ARAP2: variants seen among roughly 807,000 people sequenced by gnomAD.
ARAP2 encodes arf-GAP with Rho-GAP domain, ANK repeat and PH domain-containing protein 2.
In ARAP2, 148 loss-of-function variants were observed where a neutral mutation model predicts 194.5. The ratio of observed to expected loss-of-function variants is 0.76; its 90% CI spans 0.67 to 0.87. The LOEUF is 0.87. Ranked by LOEUF, ARAP2 falls within the 40% of genes least tolerant of loss-of-function variation. The probability of loss-of-function intolerance (pLI) is 0.00; values close to 1 mark genes in which losing one functional copy is unlikely to be tolerated. For synonymous variants in ARAP2, 695 were observed against 683.5 expected, an observed-to-expected ratio of 1.02 and a Z score of -0.26; for missense variants, 2,128 against 1,989.7, an observed-to-expected ratio of 1.07 and a Z score of -1.32.
At chr4:36,106,990 G>A (rs533704065) in intron 27 of ARAP2, among the ~76,000 whole-genome samples, 1 of 151,940 alleles carries the variant, frequency 6.6e-6, no homozygotes, top group African/African-American at 2.4e-5. Flanking sequence ...AAAATTTTCT[G>A]AGATCTCATA....
rs372153354 is a variant in ARAP2 at position 36,147,442 on chromosome 4, T to C, written c.3200-83A>G. 3 of 1,564,294 alleles carry C rather than the reference T, an allele frequency of 1.9e-6. No individual in the cohort carries two copies. The African/African-American group carries it at 4.1e-5, about 21-fold the overall frequency. On this transcript the variant is annotated intron_variant, in intron 18 of 32. Coordinates refer to ENST00000303965, the MANE Select transcript of ARAP2 (RefSeq NM_015230.4). ...TGAAGACACAAATATTAATACTGCT[T>C]AGTCATAAGTTTGGGAGTAAGCCAT...
chr4:36,005,634 T>C (rs1253974868), intron 10 of ARAP2: 2 of 152,176 alleles, frequency 1.3e-5, no homozygotes, highest in Non-Finnish European at 2.9e-5. Context: ...TATACAATTC[T>C]ATACATTTGC....
intron 5 of ARAP2, among the ~76,000 whole-genome samples, chr4:36,029,638 G>A (rs889013687): frequency 6.6e-6 from 1 of 151,872 alleles, no homozygotes; most frequent in Non-Finnish European, 1.5e-5. Flanking sequence ...GTTCTTAACT[G>A]GGTATAATAT....
intron 24 of ARAP2, 131 bp downstream of exon 24, chr4:36,119,518 GT>G (rs60869581): frequency 0.017 from 8,238 of 491,134 alleles, 515 homozygotes; most frequent in African/African-American, 0.14. Context: ...CAACCAATTA[GT>G]TTTTTTTTTC....
In ARAP2 at chr4:36,121,325, C is replaced by T. The variant is rs1302154442; in HGVS notation, c.3748G>A (p.Val1250Ile). The change falls in exon 23 of 33, where the codon GTT becomes ATT. Residue 1250 changes from valine (V) to isoleucine (I), a missense_variant and splice_region_variant. Coordinates refer to ENST00000303965, the MANE Select transcript of ARAP2 (RefSeq NM_015230.4). ...TGATTGATTTCTGAGCATTTCTGAA[C>T]CCTGTCAGAGAAAAGCATAGTTTAT... ...LAAIIEHLYR[V>I]QKCSEINHMN... 2 of 1,584,102 alleles carry T rather than the reference C, an allele frequency of 1.3e-6. No homozygotes were observed. Among genetic ancestry groups the T allele is most frequent in the African/African-American group, 2.7e-5 (2 of 73,520 alleles).
intron 19 of ARAP2, among the ~76,000 whole-genome samples, chr4:36,137,939 A>C (rs1727236190): frequency 6.6e-6 from 1 of 151,788 alleles, no homozygotes; most frequent in Non-Finnish European, 1.5e-5. Flanking sequence ...ACACTATTAG[A>C]ATGGACGTGA....
intron 30 of ARAP2, 96 bp from the exon 31 acceptor site, chr4:36,080,375 G>T (rs1047493165): frequency 6.2e-6 from 6 of 973,756 alleles, no homozygotes; most frequent in Non-Finnish European, 9.6e-6. Flanking sequence ...AAATCTCTGG[G>T]TCTCTCCTGA....
In ARAP2 at chr4:36,134,582, G is replaced by A. The variant is rs73809112; in HGVS notation, c.3264-1193C>T. Among the ~76,000 whole-genome samples the A allele has an allele frequency of 5.5e-3, 827 of 151,634 alleles. 11 individuals are homozygous for A. The highest frequency in any genetic ancestry group is 0.019 in the African/African-American group (770 of 41,426). The stretch of plus-strand genomic sequence containing the variant: ...CACTATTGCCAGAATGATCTAAAAC[G>A]CAAAGCTAATGACATCACTTCCAGA... On this transcript the variant is annotated intron_variant, in intron 19 of 32. Coordinates refer to ENST00000303965, the MANE Select transcript of ARAP2 (RefSeq NM_015230.4).
At chr4:36,183,700 GT>G (rs1275116297) in intron 8 of ARAP2, among the ~76,000 whole-genome samples, 26 of 152,316 alleles carry the variant, frequency 1.7e-4, no homozygotes, top group Admixed American at 1.6e-3. Flanking sequence ...ACTTTGGGAA[GT>G]GTATTTTTTA....
At chr4:36,214,530 TTA>T (rs1182833963) in intron 2 of ARAP2, 50 bp from the exon 3 acceptor site, 1 of 1,232,352 alleles carries the variant, frequency 8.1e-7, no homozygotes, top group Non-Finnish European at 1.1e-6. Context: ...TTTATGATAT[TTA>T]TGAGTAAAAT....
At chr4:36,128,014 A>G (rs1280172596) in intron 21 of ARAP2, among the ~76,000 whole-genome samples, 6 of 151,970 alleles carry the variant, frequency 3.9e-5, no homozygotes, top group Admixed American at 1.3e-4. Context: ...GTCATCTCTT[A>G]ATTAGCTTTT....
intron 5 of ARAP2, among the ~76,000 whole-genome samples, chr4:36,211,549 G>A (rs983839251): frequency 6.6e-6 from 1 of 152,010 alleles, no homozygotes; most frequent in Admixed American, 6.6e-5. Context: ...GAATAATTTA[G>A]CCTGGCCCTT....
intron 32 of ARAP2, among the ~76,000 whole-genome samples, chr4:36,072,103 A>AT (rs984344530): frequency 1.3e-5 from 2 of 151,748 alleles, no homozygotes; most frequent in African/African-American, 2.4e-5. Context: ...GTTTATATGA[A>AT]TTTTTTTAAA....
At position 36,014,863 on chromosome 4, in the gene ARAP2, C is replaced by T. The variant is rs950034998; in HGVS notation, n.1056+523G>A. ...AGAAGAGGAAGAGAGACTCATCTCT[C>T]TCCCTGTGTGAAAGATTTCTTTGAA... On this transcript the variant is annotated intron_variant and non_coding_transcript_variant, in intron 8 of 12. Coordinates refer to the ARAP2 transcript ENST00000503225. Among the ~76,000 whole-genome samples the T allele has an allele frequency of 4.6e-5, 7 of 152,100 alleles. No individual in the cohort carries two copies. In the East Asian group the frequency reaches 9.6e-4, roughly 21 times the overall value.
At chr4:36,024,945 T>C (rs1717644668) in intron 5 of ARAP2, among the ~76,000 whole-genome samples, 1 of 152,166 alleles carries the variant, frequency 6.6e-6, no homozygotes, top group Admixed American at 6.6e-5. Flanking sequence ...CTTCCTGTCA[T>C]CTGTAAGGTA....
intron 32 of ARAP2, among the ~76,000 whole-genome samples, chr4:36,073,282 C>T (rs1016141198): frequency 1.5e-4 from 23 of 152,072 alleles, no homozygotes; most frequent in African/African-American, 5.1e-4. Context: ...CCCATCAGTT[C>T]CCAAAGCACT....
chr4:36,194,639 C>T (rs1164355239), intron 6 of ARAP2, among the ~76,000 whole-genome samples: 2 of 152,168 alleles, frequency 1.3e-5, no homozygotes, highest in South Asian at 2.1e-4. Context: ...CCCAGCCACA[C>T]ATCTATTATG....
At chr4:36,205,110 T>C (rs1745272463) in intron 6 of ARAP2, among the ~76,000 whole-genome samples, 1 of 151,578 alleles carries the variant, frequency 6.6e-6, no homozygotes. Flanking sequence ...TATGCTACAT[T>C]GTTCAAAAAT....
chr4:36,058,411 A>C lies in ARAP2; in HGVS notation n.148-268T>G, dbSNP rs1409581489. Among the ~76,000 whole-genome samples, 32 of 152,184 alleles carry C rather than the reference A, an allele frequency of 2.1e-4. 1 individual carries two copies. The highest frequency in any genetic ancestry group is 2.1e-3 in the Admixed American group (32 of 15,278). On this transcript the variant is annotated intron_variant and non_coding_transcript_variant, in intron 1 of 12. Transcript: ENST00000503225. ...TCTGCTGTTCATTCTATCTTAAAAA[A>C]TCATCTCAACCTGAGCAAAGACTAG...
Sources: allele counts gnomAD v4.1 joint callset (sites outside exome capture counted in the v4.1 genomes callset), GRCh38; gene constraint gnomAD v4.1.1; transcripts MANE v1.5; gene names NCBI Gene and HGNC (gene_info 2026-07-23, HGNC 2026-07-21).